Variants in SGCZ observed in about 807,000 individuals in gnomAD.
SGCZ encodes the protein sarcoglycan zeta.
A neutral mutation model predicts 41.3 loss-of-function variants in SGCZ; 40 were observed. The observed-to-expected ratio is 0.97, with a 90% confidence interval of 0.75 to 1.26. The LOEUF (loss-of-function observed/expected upper bound fraction) is 1.26, where lower values mean the gene tolerates loss of function less well. Among genes scored for constraint, SGCZ ranks in the 50% most tolerant of loss-of-function variants. The pLI, the probability that SGCZ is intolerant of heterozygous loss-of-function variation, is 0.00. For synonymous variants in SGCZ, 206 were observed against 137.5 expected (o/e 1.50, Z -3.49); for missense variants, 552 against 369.8 (o/e 1.49, Z -4.04).
chr8:14,941,282 C>A (rs1563378814), intron 1 of SGCZ, among the ~76,000 whole-genome samples: 1 of 152,016 alleles, frequency 6.6e-6, no homozygotes, highest in Non-Finnish European at 1.5e-5. Flanking sequence ...GCAGTAGTGT[C>A]AAAGCATCTG....
chr8:14,582,313 A>C (rs907756396), intron 1 of SGCZ, among the ~76,000 whole-genome samples: 11 of 152,118 alleles, frequency 7.2e-5, no homozygotes, highest in Non-Finnish European at 1.2e-4. Context: ...GAAAATTTTC[A>C]ACTATGTGGG....
At position 14,669,385 on chromosome 8, in the gene SGCZ, G is replaced by GTAAGTAAGTAAGTAAATAAA. The variant is rs1465447907; in HGVS notation, c.40-114460_40-114459insTTTATTTACTTACTTACTTA. On this transcript the variant is annotated intron_variant, in intron 1 of 7. Transcript: ENST00000382080. The stretch of plus-strand genomic sequence containing the variant: ...AGTAAGTAAGTAAGTAAGTAAGTAA[G>GTAAGTAAGTAAGTAAATAAA]TAAATAAATAAATAAATAAATAAAT... 7.0e-3 allele frequency among the ~76,000 whole-genome samples: 386 copies of GTAAGTAAGTAAGTAAATAAA among 55,098 alleles called. 2 individuals are homozygous for GTAAGTAAGTAAGTAAATAAA. Among genetic ancestry groups the GTAAGTAAGTAAGTAAATAAA allele is most frequent in the African/African-American group, 0.059 (367 of 6,192 alleles). The allele number at this position is 55,098 out of a possible 152,430, so 36.1% of individuals were successfully genotyped here.
intron 4 of SGCZ, among the ~76,000 whole-genome samples, chr8:14,177,898 T>C (rs1804595862): frequency 6.6e-6 from 1 of 151,256 alleles, no homozygotes; most frequent in Admixed American, 6.6e-5. Flanking sequence ...TCAATGTTAC[T>C]GCCAATTCAA....
intron 2 of SGCZ, among the ~76,000 whole-genome samples, chr8:14,517,410 G>A (rs994044125): frequency 2.6e-5 from 4 of 151,964 alleles, no homozygotes; most frequent in South Asian, 4.1e-4. Context: ...TATATTTTGA[G>A]ACATAATAAT....
chr8:14,555,605 G>A lies in SGCZ; in HGVS notation c.40-679C>T, dbSNP rs150664094. On this transcript the variant is annotated intron_variant, in intron 1 of 7. Coordinates refer to ENST00000382080, the MANE Select transcript of SGCZ (RefSeq NM_139167.4). ...ACCTCTTTTCTTTGTCAATTACCCC[G>A]TCTCAAATATTTTTTTATACCAGAG... Among the ~76,000 whole-genome samples the A allele has an allele frequency of 8.3e-3, 1,255 of 151,946 alleles. 9 individuals carry two copies. Among genetic ancestry groups the A allele is most frequent in the Middle Eastern group, 0.034 (10 of 294 alleles).
intron 1 of SGCZ, among the ~76,000 whole-genome samples, chr8:14,725,028 C>A (rs1810006277): frequency 6.6e-6 from 1 of 152,094 alleles, no homozygotes; most frequent in Non-Finnish European, 1.5e-5. Flanking sequence ...CCTCTAGTGG[C>A]CATCATTCTA....
intron 2 of SGCZ, among the ~76,000 whole-genome samples, chr8:14,361,075 T>C (rs7000480): frequency 0.057 from 8,623 of 152,324 alleles, 720 homozygotes; most frequent in African/African-American, 0.18. Flanking sequence ...TTTTGCCATC[T>C]GCATATCCTC....
rs1801513765 is a variant in SGCZ at position 14,086,044 on chromosome 8, T to TG, written c.*4398dup. ...TGAATACAAATGCAAATTTCCTTTG[T>TG]GATAATGATATTTTGTAGTGTTCAT... On this transcript the variant is annotated 3_prime_UTR_variant, in exon 8 of 8. Coordinates refer to ENST00000382080, the MANE Select transcript of SGCZ (RefSeq NM_139167.4). 6.6e-6 allele frequency among the ~76,000 whole-genome samples: 1 copy of TG among 151,730 alleles called. No homozygotes were observed.
chr8:14,747,757 G>A (rs1366447934), intron 1 of SGCZ, among the ~76,000 whole-genome samples: 1 of 149,258 alleles, frequency 6.7e-6, no homozygotes, highest in African/African-American at 2.5e-5. Flanking sequence ...TTCTGTCCCA[G>A]GCTGGAGTGC....
intron 1 of SGCZ, among the ~76,000 whole-genome samples, chr8:14,670,740 A>T (rs1476009945): frequency 6.6e-6 from 1 of 152,094 alleles, no homozygotes; most frequent in African/African-American, 2.4e-5. Context: ...TTTTCAGTAC[A>T]ACCCATGAGG....
At position 14,985,788 on chromosome 8, in the gene SGCZ, T is replaced by C. The variant is rs192834188; in HGVS notation, c.39+251797A>G. Among the ~76,000 whole-genome samples the C allele has an allele frequency of 3.3e-5, 5 of 152,346 alleles. No homozygotes were observed. The East Asian group carries it at 9.6e-4, about 29-fold the overall frequency. ...ATTCTGTGAAACACCAATGAACATCTAGACTTACTCATTGAATATTTAGTT... is the reference window on the plus strand; with the variant it reads ...ATTCTGTGAAACACCAATGAACATCCAGACTTACTCATTGAATATTTAGTT... On this transcript the variant is annotated intron_variant, in intron 1 of 7. Transcript: ENST00000382080.
intron 1 of SGCZ, among the ~76,000 whole-genome samples, chr8:15,203,654 T>A (rs1483237072): frequency 6.6e-6 from 1 of 152,144 alleles, no homozygotes; most frequent in Non-Finnish European, 1.5e-5. Context: ...TGATAAAAAA[T>A]TGAGTGCAAA....
At chr8:14,535,727 G>A (rs747844319) in intron 2 of SGCZ, among the ~76,000 whole-genome samples, 8 of 151,878 alleles carry the variant, frequency 5.3e-5, no homozygotes, top group East Asian at 1.9e-4. Flanking sequence ...TTTATTAAGA[G>A]GAGTGACACT....
At chr8:14,947,997 G>C (rs1156250039) in intron 1 of SGCZ, among the ~76,000 whole-genome samples, 1 of 152,064 alleles carries the variant, frequency 6.6e-6, no homozygotes, top group Non-Finnish European at 1.5e-5. Flanking sequence ...AGGCATTTTT[G>C]CATTGTTTGA....
At chr8:14,823,259 C>T (rs1811368177) in intron 1 of SGCZ, among the ~76,000 whole-genome samples, 1 of 151,786 alleles carries the variant, frequency 6.6e-6, no homozygotes, top group South Asian at 2.1e-4. Flanking sequence ...AAACGTTTTG[C>T]ACAGGAAAGG....
At chr8:15,025,745 G>GA (rs1803431798) in intron 1 of SGCZ, among the ~76,000 whole-genome samples, 2 of 152,162 alleles carry the variant, frequency 1.3e-5, no homozygotes, top group African/African-American at 4.8e-5. Flanking sequence ...TCTGACATAT[G>GA]AGATTGGAAA....
intron 3 of SGCZ, among the ~76,000 whole-genome samples, chr8:14,250,379 G>A (rs549669358): frequency 5.9e-5 from 9 of 152,202 alleles, no homozygotes; most frequent in South Asian, 2.1e-4. Flanking sequence ...AAAATGTGTC[G>A]AAATTTTTTT....
chr8:15,216,441 C>T (rs181993339), intron 1 of SGCZ, among the ~76,000 whole-genome samples: 3 of 151,962 alleles, frequency 2.0e-5, no homozygotes, highest in East Asian at 2.0e-4. Context: ...AGGATGGTCT[C>T]GATCTCCTGA....
chr8:14,485,833 A>AT (rs71209049), intron 2 of SGCZ, among the ~76,000 whole-genome samples: 1,062 of 103,338 alleles, frequency 0.01, 60 homozygotes, highest in Middle Eastern at 0.054. Flanking sequence ...CTCTAGAACA[A>AT]TTTTTTTTTT....
Sources: gnomAD v4.1 joint callset for allele counts (sites outside exome capture counted in the v4.1 genomes callset) on GRCh38, gnomAD v4.1.1 for gene constraint, MANE v1.5 for transcripts, NCBI Gene and HGNC (gene_info 2026-07-23, HGNC 2026-07-21) for gene names.